Variants in AEBP2 observed in about 807,000 individuals in gnomAD.
The protein encoded by AEBP2 is zinc finger protein AEBP2.
AEBP2 carries 10 observed loss-of-function variants against 50.8 expected under a neutral mutation model. The observed-to-expected ratio is 0.20, with a 90% CI of 0.12 to 0.33. The LOEUF (loss-of-function observed/expected upper bound fraction) is 0.33. Ranked by LOEUF, AEBP2 falls within the 10% of genes least tolerant of loss-of-function variation. The probability of loss-of-function intolerance (pLI) is 1.00; values close to 1 mark genes in which losing one functional copy is unlikely to be tolerated. For synonymous variants in AEBP2, 296 were observed against 261.3 expected, an observed-to-expected ratio of 1.13 and a Z score of -1.28; for missense variants, 570 against 688.0, an observed-to-expected ratio of 0.83 and a Z score of 1.92.
At chr12:19,408,627 C>A (rs2095737601) in intron 1 of AEBP2, among the ~76,000 whole-genome samples, 1 of 150,524 alleles carries the variant, frequency 6.6e-6, no homozygotes, top group African/African-American at 2.4e-5. Flanking sequence ...CAAGGCCGGG[C>A]GCGGTGACTC....
chr12:19,414,167 C>G (rs1001948880), intron 1 of AEBP2, among the ~76,000 whole-genome samples: 30 of 152,136 alleles, frequency 2.0e-4, no homozygotes, highest in African/African-American at 6.8e-4. Flanking sequence ...GCTGGGATTA[C>G]AGGTGTGAGC....
intron 3 of AEBP2, among the ~76,000 whole-genome samples, chr12:19,491,455 G>A (rs181088385): frequency 4.6e-5 from 7 of 152,024 alleles, no homozygotes; most frequent in Non-Finnish European, 8.8e-5. Context: ...TATGTTTTGC[G>A]GAACATATAG....
chr12:19,482,039 A>G (rs1347482699), intron 3 of AEBP2, among the ~76,000 whole-genome samples: 3 of 152,194 alleles, frequency 2.0e-5, no homozygotes, highest in African/African-American at 7.2e-5. Context: ...TCATATTACC[A>G]GAATTACTTT....
At chr12:19,462,150 CTCTT>C (rs1565714629) in intron 1 of AEBP2, among the ~76,000 whole-genome samples, 1 of 152,100 alleles carries the variant, frequency 6.6e-6, no homozygotes, top group East Asian at 1.9e-4. Flanking sequence ...CAGCTGGAAA[CTCTT>C]ACTTTCTTAT....
Position 19,413,499 on chromosome 12 carries a change from TC to T in AEBP2, c.-17+9284del, listed in dbSNP as rs1481977470. On this transcript the variant is annotated intron_variant, in intron 1 of 3. Transcript: ENST00000538425. ...ACAGACTAGAACTTAACAGAACAATTCTAGGACAGAAGTTAAGATCTGATTA... is the reference window on the plus strand; with the variant it reads ...ACAGACTAGAACTTAACAGAACAATTTAGGACAGAAGTTAAGATCTGATTA... 5 of 858,348 alleles carry T rather than the reference TC, an allele frequency of 5.8e-6. No individual in the cohort carries two copies. In the African/African-American group the frequency reaches 8.3e-5, roughly 14 times the overall value. 53.2% of individuals were successfully genotyped at this position (858,348 alleles called of 1,614,324 possible).
At chr12:19,483,062 G>T (rs1948753831) in intron 3 of AEBP2, among the ~76,000 whole-genome samples, 1 of 152,126 alleles carries the variant, frequency 6.6e-6, no homozygotes, top group Non-Finnish European at 1.5e-5. Context: ...AGCAGTTCCT[G>T]TTCCCTCGCC....
At chr12:19,508,889 C>A in intron 5 of AEBP2, 1 of 273,628 alleles carries the variant, frequency 3.7e-6, no homozygotes, top group South Asian at 6.2e-5. Context: ...GGAACGTTGT[C>A]TGCAGGCACT....
chr12:19,406,964 T>G (rs997498632), intron 1 of AEBP2, among the ~76,000 whole-genome samples: 28 of 152,174 alleles, frequency 1.8e-4, no homozygotes, highest in African/African-American at 5.3e-4. Flanking sequence ...CTTTTCTCTA[T>G]TGTATTACCT....
At chr12:19,457,602 A>G (rs1356976629) in intron 1 of AEBP2, 14 of 1,485,268 alleles carry the variant, frequency 9.4e-6, no homozygotes, top group South Asian at 1.4e-5. Flanking sequence ...GTACGAATCT[A>G]CGTGTCCAAT....
intron 7 of AEBP2, among the ~76,000 whole-genome samples, chr12:19,517,183 T>G (rs928124203): frequency 1.3e-5 from 2 of 152,218 alleles, no homozygotes; most frequent in African/African-American, 2.4e-5. Context: ...ATTTCTGGAT[T>G]TTGACTGGGA....
At chr12:19,499,154 CCA>C (rs2120499908) in intron 4 of AEBP2, among the ~76,000 whole-genome samples, 1 of 152,184 alleles carries the variant, frequency 6.6e-6, no homozygotes, top group East Asian at 1.9e-4. Flanking sequence ...TACAAATAAT[CCA>C]CAGTGTAATG....
chr12:19,418,470 G>A (rs961168862), intron 1 of AEBP2, among the ~76,000 whole-genome samples: 1 of 144,658 alleles, frequency 6.9e-6, no homozygotes, highest in African/African-American at 2.6e-5. Context: ...GGCTCAAGCA[G>A]TCTTCTTGCC....
intron 6 of AEBP2, among the ~76,000 whole-genome samples, chr12:19,512,718 T>C (rs1949253233): frequency 6.6e-6 from 1 of 151,834 alleles, no homozygotes; most frequent in South Asian, 2.1e-4. Flanking sequence ...TCCCAGCACT[T>C]TGGGAGGCTG....
At position 19,517,315 on chromosome 12, in the gene AEBP2, T is replaced by C. The variant is rs148290533; in HGVS notation, c.1482-772T>C. Among the ~76,000 whole-genome samples, 12 of 152,328 alleles carry C rather than the reference T, an allele frequency of 7.9e-5. No homozygotes were observed. In the East Asian group the frequency reaches 1.2e-3, roughly 15 times the overall value. ...TGGCAAACCTTCTGCAAAATAGATA[T>C]ATTCCTTCAAAATGAGTCTAACAGG... On this transcript the variant is annotated intron_variant, in intron 7 of 7. Transcript: ENST00000266508.
chr12:19,463,626 G>C (rs936795657), intron 2 of AEBP2, among the ~76,000 whole-genome samples: 1 of 147,612 alleles, frequency 6.8e-6, no homozygotes, highest in Non-Finnish European at 1.5e-5. Flanking sequence ...ATCCAACCGG[G>C]TCAACGTTTC....
chr12:19,404,671 T>TTA (rs2095735164), intron 1 of AEBP2, among the ~76,000 whole-genome samples: 1 of 152,104 alleles, frequency 6.6e-6, no homozygotes. Flanking sequence ...AGGGAAGCAT[T>TTA]TATAAAGACT....
chr12:19,500,140 A>G lies in AEBP2; in HGVS notation c.1218A>G (p.Ile406Met), dbSNP rs1287914861. The G allele has an allele frequency of 6.2e-7, 1 of 1,606,850 alleles. No homozygotes were observed. The highest frequency in any genetic ancestry group is 1.7e-5 in the Admixed American group (1 of 59,154). Residue 406 changes from isoleucine to methionine, a missense_variant, in exon 5 of 8, where the codon ATA (isoleucine) becomes ATG (methionine). This residue lies in a region of AEBP2 where 184 missense variants were observed against 351.2 expected (regional missense o/e 0.52). Coordinates refer to ENST00000266508, the MANE Select transcript of AEBP2 (RefSeq NM_153207.5). ...DFFDAQTLDA[I>M]RHRAICFNLS... ...TCGATGCACAAACACTGGATGCGAT[A>G]AGACATCGAGCCATATGCTTTAACC...
chr12:19,468,126 T>TTTGTGTG (rs1948511444), intron 2 of AEBP2, among the ~76,000 whole-genome samples: 1 of 143,958 alleles, frequency 6.9e-6, no homozygotes, highest in Admixed American at 7.1e-5. Context: ...CTGCCTGACT[T>TTTGTGTG]TGTGTGTGTG....
intron 2 of AEBP2, among the ~76,000 whole-genome samples, chr12:19,465,791 C>CTTTTTTT (rs11284427): frequency 9.3e-6 from 1 of 107,684 alleles, no homozygotes. Flanking sequence ...ATTGTTTTTT[C>CTTTTTTT]TTTTTTTTTT....
Sources: allele counts gnomAD v4.1 joint callset (sites outside exome capture counted in the v4.1 genomes callset), GRCh38; gene constraint gnomAD v4.1.1; regional missense constraint gnomAD v4.1.1; transcripts MANE v1.5; gene names NCBI Gene and HGNC (gene_info 2026-07-23, HGNC 2026-07-21).